Variants in PNPT1 observed in about 807,000 individuals in gnomAD.
The protein encoded by PNPT1 is polyribonucleotide nucleotidyltransferase 1.
Under a neutral mutation model 119.5 loss-of-function variants are expected in PNPT1, and 53 were observed. The ratio of observed to expected loss-of-function variants is 0.44; its 90% confidence interval spans 0.36 to 0.56. The LOEUF (loss-of-function observed/expected upper bound fraction) is 0.56. Among genes scored for constraint, PNPT1 ranks in the 20% least tolerant of loss-of-function variants. PNPT1 has a pLI of 0.00. For synonymous variants in PNPT1, 357 were observed against 322.1 expected (o/e 1.11, Z -1.16); for missense variants, 948 against 938.5 (o/e 1.01, Z -0.13).
chr2:55,691,105 T>C (rs1697584360), intron 1 of PNPT1, among the ~76,000 whole-genome samples: 1 of 152,212 alleles, frequency 6.6e-6, no homozygotes, highest in East Asian at 1.9e-4. Context: ...GGAGGATCTT[T>C]AACTAGACAG....
chr2:55,671,503 G>C, intron 10 of PNPT1, 127 bp from the exon 11 acceptor site: 1 of 536,926 alleles, frequency 1.9e-6, no homozygotes, highest in Non-Finnish European at 3.1e-6. Flanking sequence ...TAAAATATTG[G>C]AATTGGTTCT....
chr2:55,644,960 A>C, intron 22 of PNPT1: 1 of 379,948 alleles, frequency 2.6e-6, no homozygotes. Flanking sequence ...ACTGGGTAAA[A>C]ACAATTTAAA....
intron 18 of PNPT1, among the ~76,000 whole-genome samples, chr2:55,651,576 GCATGCTCC>G (rs1292337393): frequency 6.6e-6 from 1 of 151,926 alleles, no homozygotes; most frequent in Non-Finnish European, 1.5e-5. Flanking sequence ...CTTGAAGGCA[GCATGCTCC>G]TTAAGAGTCA....
intron 1 of PNPT1, 98 bp from the exon 2 acceptor site, chr2:55,687,803 C>T: frequency 1.2e-6 from 1 of 862,290 alleles, no homozygotes; most frequent in Non-Finnish European, 1.7e-6. Context: ...AAGATTCTAA[C>T]CCCCAACCCA....
chr2:55,693,461 C>G (rs1697686605), intron 1 of PNPT1, among the ~76,000 whole-genome samples: 1 of 152,154 alleles, frequency 6.6e-6, no homozygotes, highest in Non-Finnish European at 1.5e-5. Flanking sequence ...CACACACCAA[C>G]AGAGAGAACG....
At position 55,683,936 on chromosome 2, in the gene PNPT1, A is replaced by C; in HGVS notation, c.404-102T>G. The C allele has an allele frequency of 2.6e-6, 3 of 1,140,750 alleles. No individual in the cohort carries two copies. In the South Asian group the frequency reaches 4.2e-5, roughly 16 times the overall value. 70.7% of individuals were successfully genotyped at this position (1,140,750 alleles called of 1,614,324 possible). On this transcript the variant is annotated intron_variant, in intron 4 of 27. Transcript: ENST00000447944. ...GATAGCCATTCAATATGTTTTCAAG[A>C]AAAATCCCCTTGGACTGATTTACTA...
intron 8 of PNPT1, among the ~76,000 whole-genome samples, chr2:55,678,894 CA>C (rs1054221415): frequency 4.1e-4 from 62 of 152,268 alleles, no homozygotes; most frequent in African/African-American, 1.4e-3. Context: ...ATTACTTGTA[CA>C]AAAAAGCAGT....
intron 23 of PNPT1, among the ~76,000 whole-genome samples, chr2:55,643,857 A>C (rs1695911460): frequency 1.3e-5 from 2 of 152,186 alleles, no homozygotes; most frequent in African/African-American, 4.8e-5. Flanking sequence ...TCATTACTTT[A>C]GGAATGAAGG....
At position 55,654,917 on chromosome 2, in the gene PNPT1, A is replaced by G; in HGVS notation, c.1478T>C (p.Leu493Ser). 2 of 1,613,540 alleles carry G rather than the reference A, an allele frequency of 1.2e-6. No individual in the cohort carries two copies. The highest frequency in any genetic ancestry group is 1.7e-6 in the Non-Finnish European group (2 of 1,179,644). ...TCTTTTACCTGAATCCATTAATGCTAAACTTCCGCCACATGCAGATGCCAT... is the reference window on the plus strand; with the variant it reads ...TCTTTTACCTGAATCCATTAATGCTGAACTTCCGCCACATGCAGATGCCAT... ...SSMASACGGSLALMDSGVPIS... is the reference protein window; with the variant it reads ...SSMASACGGSSALMDSGVPIS... The change falls in exon 18 of 28, where the codon TTA becomes TCA. Residue 493 changes from leucine to serine, a missense_variant. Coordinates refer to ENST00000447944, the MANE Select transcript of PNPT1 (RefSeq NM_033109.5).
At position 55,651,833 on chromosome 2, in the gene PNPT1, C is replaced by A. The variant is rs1381066475; in HGVS notation, c.1495+3067G>T. Among the ~76,000 whole-genome samples, 4 of 140,442 alleles carry A rather than the reference C, an allele frequency of 2.8e-5. No individual in the cohort carries two copies. In the East Asian group the frequency reaches 8.1e-4, roughly 28 times the overall value. 92.1% of individuals were successfully genotyped at this position (140,442 alleles called of 152,430 possible). A position where few individuals can be genotyped will look rare whatever the true frequency, so the allele number is the denominator to read the frequency against. ...ATTTCTGTATAAAGCTATCCTTCCTCTGACTAGAAACAACTAGGAAATAAA... is the reference window on the plus strand; with the variant it reads ...ATTTCTGTATAAAGCTATCCTTCCTATGACTAGAAACAACTAGGAAATAAA... On this transcript the variant is annotated intron_variant, in intron 18 of 27. Transcript: ENST00000447944.
In PNPT1 at chr2:55,658,263, A is replaced by C. The variant is rs1696454572; in HGVS notation, c.1285-1892T>G. Among the ~76,000 whole-genome samples, 3 of 152,206 alleles carry C rather than the reference A, an allele frequency of 2.0e-5. No individual in the cohort carries two copies. In the South Asian group the frequency reaches 6.2e-4, roughly 32 times the overall value. Reference sequence around the variant, plus strand: ...AACTAAAACAAAAAAGGAAATACCAAATGTTTTAAAGAAAAAAACAAAACT... The same window carrying C: ...AACTAAAACAAAAAAGGAAATACCACATGTTTTAAAGAAAAAAACAAAACT... On this transcript the variant is annotated intron_variant, in intron 15 of 27. Transcript: ENST00000447944.
chr2:55,685,829 C>A (rs1697389054), intron 3 of PNPT1, among the ~76,000 whole-genome samples: 1 of 152,178 alleles, frequency 6.6e-6, no homozygotes, highest in African/African-American at 2.4e-5. Context: ...TTGTTTATAA[C>A]TTACGTATAT....
In PNPT1 at chr2:55,656,325, T is replaced by C. The variant is rs1559095292; in HGVS notation, c.1331A>G (p.Asn444Ser). 1.2e-6 allele frequency: 2 copies of C among 1,611,090 alleles called. No individual in the cohort carries two copies. Among genetic ancestry groups the C allele is most frequent in the Non-Finnish European group, 1.7e-6 (2 of 1,179,110 alleles). ...CTTACCATGCCCAAGTTCTCTTCTA[T>C]TTAAACCAGTGACTTTGCCAATTTC... ...TNEIGKVTGL[N>S]RRELGHGALA... The change falls in exon 16 of 28, where the codon AAT becomes AGT. Residue 444 changes from asparagine (N) to serine (S), a missense_variant. Physicochemically the swap from Asn to Ser is conservative, Grantham distance 46 (BLOSUM62 1). Transcript: ENST00000447944.
intron 18 of PNPT1, among the ~76,000 whole-genome samples, chr2:55,651,365 G>A (rs1377642154): frequency 1.3e-4 from 20 of 152,162 alleles, no homozygotes; most frequent in South Asian, 8.3e-4. Context: ...TTGAGAAATC[G>A]GATGGTTGCC....
chr2:55,688,154 C>A (rs1170344051), intron 1 of PNPT1, among the ~76,000 whole-genome samples: 1 of 152,014 alleles, frequency 6.6e-6, no homozygotes, highest in African/African-American at 2.4e-5. Context: ...AGCGATCCTC[C>A]AACTCAGCTT....
chr2:55,637,878 T>C (rs1695723223), intron 26 of PNPT1, among the ~76,000 whole-genome samples: 1 of 151,596 alleles, frequency 6.6e-6, no homozygotes, highest in Non-Finnish European at 1.5e-5. Flanking sequence ...CGGGCGCCTG[T>C]AGTCCCAGCT....
intron 12 of PNPT1, 117 bp downstream of exon 12, chr2:55,667,745 A>T: frequency 3.8e-6 from 5 of 1,317,726 alleles, no homozygotes; most frequent in Non-Finnish European, 5.1e-6. Context: ...AGCAAATATT[A>T]TAATTCTTTA....
intron 5 of PNPT1, among the ~76,000 whole-genome samples, chr2:55,681,717 C>T (rs1451165896): frequency 4.0e-5 from 6 of 151,536 alleles, no homozygotes; most frequent in East Asian, 2.0e-4. Flanking sequence ...TGGTAGTGCA[C>T]GCCTATAATC....
chr2:55,689,610 A>G (rs1048568821), intron 1 of PNPT1, among the ~76,000 whole-genome samples: 1 of 152,246 alleles, frequency 6.6e-6, no homozygotes, highest in African/African-American at 2.4e-5. Context: ...ACAGTCACCA[A>G]AGACTATGTT....
Sources: gnomAD v4.1 joint callset for allele counts (sites outside exome capture counted in the v4.1 genomes callset) on GRCh38, gnomAD v4.1.1 for gene constraint, MANE v1.5 for transcripts, NCBI Gene and HGNC (gene_info 2026-07-23, HGNC 2026-07-21) for gene names.